PDGFD: variants seen among roughly 807,000 people sequenced by gnomAD.
The protein encoded by PDGFD is platelet-derived growth factor D.
PDGFD carries 30 observed loss-of-function variants against 44.7 expected under a neutral mutation model. The observed-to-expected ratio is 0.67, with a 90% CI of 0.50 to 0.91. The LOEUF (loss-of-function observed/expected upper bound fraction) is 0.91, where lower values mean the gene tolerates loss of function less well. Ranked by LOEUF, PDGFD falls within the 40% of genes least tolerant of loss-of-function variation. PDGFD has a pLI of 0.00. For synonymous variants in PDGFD, 173 were observed against 168.4 expected (o/e 1.03, Z -0.21); for missense variants, 445 against 457.8 (o/e 0.97, Z 0.25).
chr11:103,949,228 A>G (rs1200160808), intron 3 of PDGFD, among the ~76,000 whole-genome samples: 1 of 151,950 alleles, frequency 6.6e-6, no homozygotes, highest in Non-Finnish European at 1.5e-5. Flanking sequence ...GTCTTGAACT[A>G]TTGACCTCAG....
chr11:104,041,289 G>A (rs1249465177), intron 1 of PDGFD, among the ~76,000 whole-genome samples: 1 of 151,984 alleles, frequency 6.6e-6, no homozygotes, highest in Non-Finnish European at 1.5e-5. Context: ...AAAAGGAATG[G>A]ACATGAAATT....
intron 3 of PDGFD, among the ~76,000 whole-genome samples, chr11:103,962,987 T>A (rs1010053262): frequency 8.5e-5 from 13 of 152,094 alleles, no homozygotes; most frequent in African/African-American, 2.7e-4. Flanking sequence ...AATTCCAACT[T>A]CTCCACTTAC....
chr11:103,915,748 T>C (rs111653583), intron 6 of PDGFD, among the ~76,000 whole-genome samples: 69,624 of 151,998 alleles, frequency 0.46, 16,047 homozygotes, highest in South Asian at 0.49. Context: ...AACAGATATA[T>C]AGACCAATGG....
At chr11:103,925,624 C>T (rs1192075680) in intron 6 of PDGFD, among the ~76,000 whole-genome samples, 3 of 147,992 alleles carry the variant, frequency 2.0e-5, no homozygotes, top group African/African-American at 7.4e-5. Flanking sequence ...CACGGAAGAG[C>T]TCTAACTCCT....
At chr11:104,156,634 C>G (rs1023866337) in intron 1 of PDGFD, among the ~76,000 whole-genome samples, 1 of 151,678 alleles carries the variant, frequency 6.6e-6, no homozygotes, top group Non-Finnish European at 1.5e-5. Context: ...CCCCACAAAT[C>G]AAAAAAACAC....
intron 1 of PDGFD, among the ~76,000 whole-genome samples, chr11:104,127,260 A>G (rs1356462256): frequency 1.3e-5 from 2 of 152,098 alleles, no homozygotes; most frequent in Non-Finnish European, 2.9e-5. Context: ...GCACATTGGA[A>G]TTGCCTGGAC....
intron 1 of PDGFD, among the ~76,000 whole-genome samples, chr11:104,131,121 T>C (rs1464556712): frequency 6.6e-6 from 1 of 152,230 alleles, no homozygotes; most frequent in African/African-American, 2.4e-5. Context: ...CAGTCTTTCC[T>C]TCAAAACAAT....
rs1858444469 is a variant in PDGFD, at chr11:103,933,823, T to C, written c.773-6697A>G. ...TAAAGCCACTGGACGTAAGTAGATA[T>C]TCAGCACATATGTACTGGAAAATCA... On this transcript the variant is annotated intron_variant, in intron 5 of 6. Transcript: ENST00000393158. Among the ~76,000 whole-genome samples, 6 of 152,168 alleles carry C rather than the reference T, an allele frequency of 3.9e-5. No individual in the cohort carries two copies. The South Asian group carries it at 1.2e-3, about 32-fold the overall frequency.
intron 6 of PDGFD, among the ~76,000 whole-genome samples, chr11:103,918,551 A>G (rs1009108382): frequency 6.6e-6 from 1 of 152,184 alleles, no homozygotes; most frequent in Non-Finnish European, 1.5e-5. Context: ...TTGGGATAAG[A>G]GCAAGAGCCT....
chr11:104,061,571 T>G (rs1860717999), intron 1 of PDGFD, among the ~76,000 whole-genome samples: 1 of 152,196 alleles, frequency 6.6e-6, no homozygotes, highest in Non-Finnish European at 1.5e-5. Context: ...GTGTGTATGT[T>G]TGATACATTG....
chr11:104,128,539 T>C (rs1032935624), intron 1 of PDGFD, among the ~76,000 whole-genome samples: 1 of 152,138 alleles, frequency 6.6e-6, no homozygotes, highest in Non-Finnish European at 1.5e-5. Context: ...CCATGCATGA[T>C]TGCGTGTGTA....
chr11:104,082,129 C>CATATATATATATATATATATATATATAT (rs1389312680), intron 1 of PDGFD, among the ~76,000 whole-genome samples: 4 of 61,238 alleles, frequency 6.5e-5, no homozygotes, highest in African/African-American at 1.4e-4. Flanking sequence ...TGTCCATATA[C>CATATATATATATATATATATATATATAT]ATACATACAT....
intron 1 of PDGFD, among the ~76,000 whole-genome samples, chr11:104,136,658 T>A (rs1862009395): frequency 6.6e-6 from 1 of 152,212 alleles, no homozygotes; most frequent in East Asian, 1.9e-4. Context: ...GAAGTGTGAA[T>A]GAGATTTAGC....
intron 6 of PDGFD, among the ~76,000 whole-genome samples, chr11:103,913,603 A>G (rs527380066): frequency 6.6e-6 from 1 of 152,338 alleles, no homozygotes; most frequent in East Asian, 1.9e-4. Flanking sequence ...TAGAGAAGAA[A>G]GAGCAAACAA....
chr11:104,030,104 G>A (rs1006492023), intron 1 of PDGFD, among the ~76,000 whole-genome samples: 2 of 152,114 alleles, frequency 1.3e-5, no homozygotes, highest in African/African-American at 4.8e-5. Flanking sequence ...ATGTGAATAA[G>A]GTGCATTTGT....
intron 1 of PDGFD, among the ~76,000 whole-genome samples, chr11:104,062,594 C>G (rs1330581863): frequency 6.6e-6 from 1 of 152,142 alleles, no homozygotes; most frequent in Non-Finnish European, 1.5e-5. Context: ...TATATTTATT[C>G]ATCCACTTAA....
Position 104,047,516 on chromosome 11 carries a change from T to C in PDGFD, c.125-47261A>G, listed in dbSNP as rs113856502. On this transcript the variant is annotated intron_variant, in intron 1 of 6. Coordinates refer to ENST00000393158, the MANE Select transcript of PDGFD (RefSeq NM_025208.5). ...GTGATGATGCGCTTTTTTTCATGTT[T>C]GTTGGCTGCATAAACACCTTCTTTT... is the stretch of plus-strand genomic sequence containing the variant. Among the ~76,000 whole-genome samples the C allele has an allele frequency of 2.0e-4, 30 of 147,614 alleles. 1 individual carries two copies. The highest frequency in any genetic ancestry group is 7.1e-4 in the African/African-American group (29 of 40,642).
rs548119266 is a variant in PDGFD, at chr11:103,949,707, G to C, written c.511-1983C>G. Among the ~76,000 whole-genome samples, 12 of 152,268 alleles carry C rather than the reference G, an allele frequency of 7.9e-5. No individual in the cohort carries two copies. The East Asian group carries it at 1.9e-3, about 24-fold the overall frequency. ...TCCCTACCCTCAAGGAATTCGAAACGTAAACACACAAATAAACACGTGCAG... is the reference window on the plus strand; with the variant it reads ...TCCCTACCCTCAAGGAATTCGAAACCTAAACACACAAATAAACACGTGCAG... On this transcript the variant is annotated intron_variant, in intron 3 of 6. Transcript: ENST00000393158.
At chr11:104,122,383 C>T (rs1861790028) in intron 1 of PDGFD, among the ~76,000 whole-genome samples, 1 of 151,982 alleles carries the variant, frequency 6.6e-6, no homozygotes, top group Non-Finnish European at 1.5e-5. Context: ...ACACTTAGTC[C>T]TAACCAGCTT....
Sources: gnomAD v4.1 joint callset for allele counts (sites outside exome capture counted in the v4.1 genomes callset) on GRCh38, gnomAD v4.1.1 for gene constraint, MANE v1.5 for transcripts, NCBI Gene and HGNC (gene_info 2026-07-23, HGNC 2026-07-21) for gene names.